SAMHD1: variants seen among roughly 807,000 people sequenced by gnomAD.
SAMHD1 encodes the protein deoxynucleoside triphosphate triphosphohydrolase SAMHD1.
In SAMHD1, 54 loss-of-function variants were observed where a neutral mutation model predicts 79.6. The ratio of observed to expected loss-of-function variants is 0.68; its 90% CI spans 0.55 to 0.85. The LOEUF is 0.85. Ranked by LOEUF, SAMHD1 falls within the 40% of genes least tolerant of loss-of-function variation. The pLI, the probability that SAMHD1 is intolerant of heterozygous loss-of-function variation, is 0.00. For synonymous variants in SAMHD1, 260 were observed against 264.1 expected (o/e 0.98, Z 0.15); for missense variants, 663 against 782.7 (o/e 0.85, Z 1.82).
At chr20:36,917,290 G>T (rs1460663980) in intron 7 of SAMHD1, 1 of 493,974 alleles carries the variant, frequency 2.0e-6, no homozygotes, top group Non-Finnish European at 3.6e-6. Flanking sequence ...CCACTGAAAA[G>T]ATCTGAACTC....
At chr20:36,930,444 C>T (rs565078299) in intron 5 of SAMHD1, among the ~76,000 whole-genome samples, 2 of 151,770 alleles carry the variant, frequency 1.3e-5, no homozygotes, top group South Asian at 2.1e-4. Context: ...TGCAGTGAAC[C>T]GATAATGAGC....
At chr20:36,947,549 GGGGTGTGTGTGTGTGT>G (rs1461505448) in intron 1 of SAMHD1, among the ~76,000 whole-genome samples, 26 of 60,788 alleles carry the variant, frequency 4.3e-4, no homozygotes, top group East Asian at 3.5e-3. Flanking sequence ...ATTTGGAAGA[GGGGTGTGTGTGTGTGT>G]GTGTGTGTGT....
rs374487980 is a variant in SAMHD1 at position 36,898,585 on chromosome 20, G to A, written c.1504-41C>T. The A allele has an allele frequency of 8.5e-5, 126 of 1,476,948 alleles. No homozygotes were observed. In the South Asian group the frequency reaches 1.3e-3, roughly 15 times the overall value. The allele number at this position is 1,476,948 out of a possible 1,614,324, so 91.5% of individuals were successfully genotyped here. On this transcript the variant is annotated intron_variant, in intron 13 of 15. Transcript: ENST00000646673. Reference sequence around the variant, plus strand: ...TCACAAGTAATCATATAGCAAGCAGGAGAACTGAACTCAGGGCTGTAGGAG... The same window carrying A: ...TCACAAGTAATCATATAGCAAGCAGAAGAACTGAACTCAGGGCTGTAGGAG...
chr20:36,898,412 A>G (rs1279192924), intron 14 of SAMHD1, 28 bp downstream of exon 14: 1 of 1,473,126 alleles, frequency 6.8e-7, no homozygotes, highest in African/African-American at 1.4e-5. Context: ...ATGCCACTAT[A>G]GTATATTTGT....
intron 15 of SAMHD1, among the ~76,000 whole-genome samples, chr20:36,895,402 CCTT>C (rs1296540200): frequency 6.6e-6 from 1 of 152,006 alleles, no homozygotes; most frequent in Non-Finnish European, 1.5e-5. Flanking sequence ...GCTAAATCCT[CCTT>C]GTTTTTCCTC....
rs888889988 is a variant in SAMHD1 at position 36,916,160 on chromosome 20, C to CA, written c.1062+561dup. Among the ~76,000 whole-genome samples, 850 of 142,440 alleles carry CA rather than the reference C, an allele frequency of 6.0e-3. 8 individuals carry two copies. Among genetic ancestry groups the CA allele is most frequent in the African/African-American group, 0.02 (761 of 38,896 alleles). 93.4% of individuals were successfully genotyped at this position (142,440 alleles called of 152,430 possible). A position where few individuals can be genotyped will look rare whatever the true frequency, so the allele number is the denominator to read the frequency against. On this transcript the variant is annotated intron_variant, in intron 9 of 15. Coordinates refer to ENST00000646673, the MANE Select transcript of SAMHD1 (RefSeq NM_015474.4). ...TGGGTGACTGAGCGAGACTCCGTCT[C>CA]AAAAAAAAAAAGAGAGAGACTCTGG...
chr20:36,946,834 A>C (rs2063689594), intron 1 of SAMHD1, 30 bp from the exon 2 acceptor site: 1 of 1,527,742 alleles, frequency 6.5e-7, no homozygotes, highest in African/African-American at 1.4e-5. Context: ...AATTCAATGT[A>C]TACAACATAT....
intron 13 of SAMHD1, chr20:36,903,923 A>C: frequency 2.4e-6 from 1 of 415,484 alleles, no homozygotes; most frequent in South Asian, 3.0e-5. Context: ...GTAATTAAAA[A>C]TTTTTAATTA....
intron 6 of SAMHD1, among the ~76,000 whole-genome samples, chr20:36,925,279 G>C (rs1384958566): frequency 1.3e-5 from 2 of 152,134 alleles, no homozygotes; most frequent in Non-Finnish European, 2.9e-5. Context: ...GGTAATGATT[G>C]AGAAGATCCT....
chr20:36,933,105 C>G (rs2063578152), intron 4 of SAMHD1, among the ~76,000 whole-genome samples: 1 of 151,998 alleles, frequency 6.6e-6, no homozygotes, highest in Non-Finnish European at 1.5e-5. Context: ...TAGTAAGGTT[C>G]GATAAATATT....
At position 36,934,792 on chromosome 20, in the gene SAMHD1, A is replaced by T. The variant is rs1334268177; in HGVS notation, c.509+237T>A. 13 of 408,324 alleles carry T rather than the reference A, an allele frequency of 3.2e-5. No homozygotes were observed. The Admixed American group carries it at 4.6e-4, about 15-fold the overall frequency. 25.3% of individuals were successfully genotyped at this position (408,324 alleles called of 1,614,324 possible). A position where few individuals can be genotyped will look rare whatever the true frequency, so the allele number is the denominator to read the frequency against. ...TCCTGCCTCAGCCTCCTGAGTAGCT[A>T]GGATTACAGGTGCGCACAATCATGT... On this transcript the variant is annotated intron_variant, in intron 4 of 15. Coordinates refer to ENST00000646673, the MANE Select transcript of SAMHD1 (RefSeq NM_015474.4).
intron 1 of SAMHD1, among the ~76,000 whole-genome samples, chr20:36,950,077 CA>C (rs2063723566): frequency 6.6e-6 from 1 of 151,692 alleles, no homozygotes; most frequent in African/African-American, 2.4e-5. Context: ...AAGACATGAG[CA>C]ATTGGGAACA....
At chr20:36,935,734 C>A (rs912518116) in intron 3 of SAMHD1, among the ~76,000 whole-genome samples, 14 of 152,078 alleles carry the variant, frequency 9.2e-5, no homozygotes, top group African/African-American at 3.1e-4. Flanking sequence ...CTATGCCCAG[C>A]TAATTTTTGT....
At chr20:36,925,304 A>C (rs2063530210) in intron 6 of SAMHD1, among the ~76,000 whole-genome samples, 1 of 152,246 alleles carries the variant, frequency 6.6e-6, no homozygotes. Flanking sequence ...GATCAACTGC[A>C]GAAGAAAACA....
chr20:36,908,854 G>A (rs1479003399), intron 11 of SAMHD1, among the ~76,000 whole-genome samples: 1 of 152,132 alleles, frequency 6.6e-6, no homozygotes, highest in African/African-American at 2.4e-5. Flanking sequence ...TGTGTCTTAG[G>A]TCACTTGGCT....
chr20:36,892,868 A>G lies in SAMHD1; in HGVS notation c.*64T>C, dbSNP rs763620244. 6.1e-5 allele frequency: 97 copies of G among 1,595,794 alleles called. No homozygotes were observed. The highest frequency in any genetic ancestry group is 7.1e-5 in the Non-Finnish European group (83 of 1,163,446). ...AGTTGTCATTAATTTGCAGAATTCTATGATTGAAGCCTCTAAATGAATTGT... is the reference window on the plus strand; with the variant it reads ...AGTTGTCATTAATTTGCAGAATTCTGTGATTGAAGCCTCTAAATGAATTGT... On this transcript the variant is annotated 3_prime_UTR_variant, in exon 16 of 16. Transcript: ENST00000646673.
At chr20:36,945,308 A>G (rs1226039789) in intron 2 of SAMHD1, among the ~76,000 whole-genome samples, 1 of 152,214 alleles carries the variant, frequency 6.6e-6, no homozygotes, top group Non-Finnish European at 1.5e-5. Context: ...TTTTACAGGT[A>G]CAGAAACTGA....
At chr20:36,897,635 T>C (rs1406696118) in intron 15 of SAMHD1, 187 bp downstream of exon 15, 1 of 669,740 alleles carries the variant, frequency 1.5e-6, no homozygotes, top group Admixed American at 2.5e-5. Context: ...CCAACTCCTG[T>C]AGGAAGAAAT....
At chr20:36,939,670 C>T (rs1280559256) in intron 3 of SAMHD1, among the ~76,000 whole-genome samples, 1 of 152,062 alleles carries the variant, frequency 6.6e-6, no homozygotes, top group Non-Finnish European at 1.5e-5. Context: ...AGAGAGGGAT[C>T]TGAAATAACT....
Sources: gnomAD v4.1 joint callset for allele counts (sites outside exome capture counted in the v4.1 genomes callset) on GRCh38, gnomAD v4.1.1 for gene constraint, MANE v1.5 for transcripts, NCBI Gene and HGNC (gene_info 2026-07-23, HGNC 2026-07-21) for gene names.